TMEM74: variants seen among roughly 807,000 people sequenced by gnomAD.
The protein encoded by TMEM74 is transmembrane protein 74.
Under a neutral mutation model 18.1 loss-of-function variants are expected in TMEM74, and 13 were observed. That is an observed-to-expected ratio of 0.72 (90% CI 0.47 to 1.14). TMEM74 has a LOEUF of 1.14. Among genes scored for constraint, TMEM74 ranks in the 50% most tolerant of loss-of-function variants. The pLI, the probability that TMEM74 is intolerant of heterozygous loss-of-function variation, is 0.00. For synonymous variants in TMEM74, 159 were observed against 146.6 expected, an observed-to-expected ratio of 1.08 and a Z score of -0.61; for missense variants, 372 against 375.9, an observed-to-expected ratio of 0.99 and a Z score of 0.09.
chr8:108,728,111 G>A (rs1204155524), intron 1 of TMEM74, among the ~76,000 whole-genome samples: 3 of 152,160 alleles, frequency 2.0e-5, no homozygotes, highest in Non-Finnish European at 2.9e-5. Context: ...GGGATAATTG[G>A]AAATAATTAG....
chr8:108,635,228 C>CA (rs1812595495), intron 2 of TMEM74, among the ~76,000 whole-genome samples: 1 of 151,902 alleles, frequency 6.6e-6, no homozygotes, highest in Non-Finnish European at 1.5e-5. Flanking sequence ...AACAAAACTC[C>CA]AAAACAATTG....
chr8:108,638,930 A>C (rs116510124), intron 2 of TMEM74, among the ~76,000 whole-genome samples: 1,750 of 152,304 alleles, frequency 0.011, 44 homozygotes, highest in African/African-American at 0.04. Flanking sequence ...AACTGATGCA[A>C]GTGGAGACTT....
At chr8:108,689,359 G>A (rs747227230) in intron 1 of TMEM74, among the ~76,000 whole-genome samples, 2 of 152,134 alleles carry the variant, frequency 1.3e-5, no homozygotes, top group Non-Finnish European at 2.9e-5. Flanking sequence ...AGGAGAGGAG[G>A]CACTGTTTTC....
Position 108,784,926 on chromosome 8 carries a change from G to A in TMEM74, c.173C>T (p.Ser58Phe), listed in dbSNP as rs199885516. ...STPRATEMEG[S>F]KLSSSPASPS... ...GGATGCTGGAGAAGAACTAAGTTTAGACCCTTCCATCTCGGTTGCTCTTGG... is the reference window on the plus strand; with the variant it reads ...GGATGCTGGAGAAGAACTAAGTTTAAACCCTTCCATCTCGGTTGCTCTTGG... The change falls in exon 2 of 2, where the codon TCT (serine) becomes TTT (phenylalanine). Residue 58 changes from serine (S) to phenylalanine (F), a missense_variant. Coordinates refer to ENST00000297459, the MANE Select transcript of TMEM74 (RefSeq NM_153015.3). 5.5e-5 allele frequency: 88 copies of A among 1,614,152 alleles called. 1 individual carries two copies. The East Asian group carries it at 1.8e-3, about 34-fold the overall frequency.
intron 2 of TMEM74, among the ~76,000 whole-genome samples, chr8:108,636,171 A>G (rs1812604920): frequency 6.6e-6 from 1 of 152,046 alleles, no homozygotes; most frequent in Admixed American, 6.6e-5. Context: ...TGCTGAATAG[A>G]ATGCTGCAGT....
At chr8:108,661,231 G>A (rs1812896422) in intron 1 of TMEM74, among the ~76,000 whole-genome samples, 1 of 152,000 alleles carries the variant, frequency 6.6e-6, no homozygotes, top group African/African-American at 2.4e-5. Context: ...GGCATCCCTT[G>A]TACAAATGAT....
intron 2 of TMEM74, among the ~76,000 whole-genome samples, chr8:108,641,793 T>A (rs1253937696): frequency 6.6e-6 from 1 of 152,106 alleles, no homozygotes; most frequent in Non-Finnish European, 1.5e-5. Context: ...ATGGAAGCCT[T>A]CTCCTTCATC....
chr8:108,766,029 T>C (rs1395292519), intron 1 of TMEM74, among the ~76,000 whole-genome samples: 1 of 152,142 alleles, frequency 6.6e-6, no homozygotes, highest in Non-Finnish European at 1.5e-5. Flanking sequence ...CATAATCTAA[T>C]TAACAATGAA....
At chr8:108,608,126 A>G (rs1307963595) in intron 3 of TMEM74, among the ~76,000 whole-genome samples, 1 of 151,716 alleles carries the variant, frequency 6.6e-6, no homozygotes, top group East Asian at 1.9e-4. Flanking sequence ...ACATGGGGAA[A>G]CTCCATCGCT....
intron 2 of TMEM74, among the ~76,000 whole-genome samples, chr8:108,632,125 C>T (rs1362710799): frequency 2.0e-5 from 3 of 151,866 alleles, no homozygotes; most frequent in Non-Finnish European, 2.9e-5. Flanking sequence ...ACAGGAAGGA[C>T]GTTATCCCAG....
intron 2 of TMEM74, among the ~76,000 whole-genome samples, chr8:108,624,954 C>CAG (rs939852998): frequency 1.3e-5 from 2 of 151,986 alleles, no homozygotes; most frequent in Non-Finnish European, 2.9e-5. Flanking sequence ...TGTAGGAAGA[C>CAG]AGAGAGAGAG....
chr8:108,757,641 T>G (rs1813990605), intron 1 of TMEM74, among the ~76,000 whole-genome samples: 1 of 152,034 alleles, frequency 6.6e-6, no homozygotes, highest in African/African-American at 2.4e-5. Flanking sequence ...ACATTGCTTT[T>G]AATGCCTCCA....
At chr8:108,620,323 C>G (rs559291751) in intron 2 of TMEM74, among the ~76,000 whole-genome samples, 1 of 151,984 alleles carries the variant, frequency 6.6e-6, no homozygotes, top group African/African-American at 2.4e-5. Context: ...GAGGTTAATA[C>G]AACAGATCAG....
intron 2 of TMEM74, among the ~76,000 whole-genome samples, chr8:108,616,256 C>T (rs1356745154): frequency 6.6e-6 from 1 of 152,168 alleles, no homozygotes; most frequent in Non-Finnish European, 1.5e-5. Context: ...GCACACCATA[C>T]CATTCCACAC....
chr8:108,628,460 A>G (rs1812518057), intron 2 of TMEM74, among the ~76,000 whole-genome samples: 1 of 151,992 alleles, frequency 6.6e-6, no homozygotes, highest in East Asian at 1.9e-4. Context: ...AAGGACATGA[A>G]CTCATCCTTT....
intron 1 of TMEM74, among the ~76,000 whole-genome samples, chr8:108,684,626 A>G (rs918471122): frequency 6.6e-6 from 1 of 150,870 alleles, no homozygotes; most frequent in Non-Finnish European, 1.5e-5. Flanking sequence ...TGTGCTTTTA[A>G]GGTCTTATTC....
chr8:108,671,974 T>C (rs968757646), intron 1 of TMEM74, among the ~76,000 whole-genome samples: 1 of 152,306 alleles, frequency 6.6e-6, no homozygotes, highest in South Asian at 2.1e-4. Context: ...AGCAGTTGGG[T>C]ATAACTTAAG....
chr8:108,636,339 C>T (rs948909462), intron 2 of TMEM74, among the ~76,000 whole-genome samples: 2 of 152,038 alleles, frequency 1.3e-5, no homozygotes, highest in Admixed American at 1.3e-4. Flanking sequence ...AGATTCACAA[C>T]TGGGGAGCTC....
intron 2 of TMEM74, among the ~76,000 whole-genome samples, chr8:108,613,206 G>GA (rs1258866376): frequency 1.3e-5 from 2 of 151,978 alleles, no homozygotes; most frequent in South Asian, 2.1e-4. Flanking sequence ...AAGGACTGGG[G>GA]AAAAAAAATT....
Sources: gnomAD v4.1 joint callset for allele counts (sites outside exome capture counted in the v4.1 genomes callset) on GRCh38, gnomAD v4.1.1 for gene constraint, MANE v1.5 for transcripts, NCBI Gene and HGNC (gene_info 2026-07-23, HGNC 2026-07-21) for gene names.